RBFOX1: variants seen among roughly 807,000 people sequenced by gnomAD.
RBFOX1 encodes RNA binding fox-1 homolog 1.
Under a neutral mutation model 57.7 loss-of-function variants are expected in RBFOX1, and 8 were observed. The ratio of observed to expected loss-of-function variants is 0.14; its 90% CI spans 0.08 to 0.25. The LOEUF (loss-of-function observed/expected upper bound fraction) is 0.25. Among genes scored for constraint, RBFOX1 ranks in the 10% least tolerant of loss-of-function variants. The probability of loss-of-function intolerance (pLI) is 1.00; values close to 1 mark genes in which losing one functional copy is unlikely to be tolerated. For synonymous variants in RBFOX1, 326 were observed against 222.4 expected, an observed-to-expected ratio of 1.47 and a Z score of -4.15; for missense variants, 611 against 548.5, an observed-to-expected ratio of 1.11 and a Z score of -1.14.
At chr16:7,248,339 C>G (rs55822335) in intron 4 of RBFOX1, among the ~76,000 whole-genome samples, 6,854 of 152,198 alleles carry the variant, frequency 0.045, 521 homozygotes, top group African/African-American at 0.15. Flanking sequence ...GTGCTGTTGG[C>G]CATTTTGTCG....
intron 2 of RBFOX1, among the ~76,000 whole-genome samples, chr16:6,464,943 G>A (rs1396990631): frequency 6.6e-6 from 1 of 152,226 alleles, no homozygotes; most frequent in African/African-American, 2.4e-5. Context: ...TATTAGCTCT[G>A]TTGCCCTCGG....
intron 4 of RBFOX1, among the ~76,000 whole-genome samples, chr16:7,231,230 T>A (rs1381950420): frequency 6.6e-6 from 1 of 152,224 alleles, no homozygotes; most frequent in Non-Finnish European, 1.5e-5. Context: ...TTTATGTGTT[T>A]GTTTTCTGGT....
chr16:5,276,381 TC>T (rs2063140785), intron 1 of RBFOX1, among the ~76,000 whole-genome samples: 2 of 152,172 alleles, frequency 1.3e-5, no homozygotes, highest in African/African-American at 4.8e-5. Context: ...AATAGGCAGT[TC>T]CCAAAAGAAG....
chr16:5,806,378 A>G (rs910902868), intron 3 of RBFOX1, among the ~76,000 whole-genome samples: 11 of 152,222 alleles, frequency 7.2e-5, no homozygotes, highest in Non-Finnish European at 1.3e-4. Context: ...AAAGGGTAAC[A>G]GGGACAAATG....
chr16:6,736,122 C>G (rs1055917762), intron 3 of RBFOX1, among the ~76,000 whole-genome samples: 1 of 151,936 alleles, frequency 6.6e-6, no homozygotes. Flanking sequence ...GACATAAATA[C>G]AATTTATGTC....
rs1466809886 is a variant in RBFOX1 at position 7,186,364 on chromosome 16, A to T, written c.27+134266A>T. Among the ~76,000 whole-genome samples, 10 of 45,830 alleles carry T rather than the reference A, an allele frequency of 2.2e-4. 1 individual carries two copies. The highest frequency in any genetic ancestry group is 1.5e-3 in the African/African-American group (10 of 6,704). The allele number at this position is 45,830 out of a possible 152,430, so 30.1% of individuals were successfully genotyped here. On this transcript the variant is annotated intron_variant, in intron 4 of 15. Transcript: ENST00000550418. ...TATAAATATAAACATAAACATATTT[A>T]TATAAATATAAACATAAACATATTT... is the stretch of plus-strand genomic sequence containing the variant.
chr16:7,331,154 C>G (rs952239121), intron 4 of RBFOX1, among the ~76,000 whole-genome samples: 3 of 152,146 alleles, frequency 2.0e-5, no homozygotes, highest in African/African-American at 7.2e-5. Context: ...GCAGCTAAAT[C>G]AAGCAACTAA....
chr16:6,489,668 C>G (rs72760968), intron 2 of RBFOX1, among the ~76,000 whole-genome samples: 28,843 of 152,058 alleles, frequency 0.19, 2,757 homozygotes, highest in Middle Eastern at 0.27. Flanking sequence ...TTTTGGAGTG[C>G]TTGATGAGGA....
At chr16:7,444,213 C>T (rs1178959690) in intron 4 of RBFOX1, among the ~76,000 whole-genome samples, 3 of 152,218 alleles carry the variant, frequency 2.0e-5, no homozygotes, top group Non-Finnish European at 4.4e-5. Context: ...TAAATATCTT[C>T]TGGAGCTTAC....
chr16:5,708,476 G>A (rs1467045650), intron 3 of RBFOX1, among the ~76,000 whole-genome samples: 2 of 152,130 alleles, frequency 1.3e-5, no homozygotes, highest in African/African-American at 4.8e-5. Context: ...CAGGCTATTA[G>A]TAGATCCACC....
intron 3 of RBFOX1, among the ~76,000 whole-genome samples, chr16:5,773,359 C>T (rs2054041449): frequency 6.6e-6 from 1 of 152,198 alleles, no homozygotes; most frequent in African/African-American, 2.4e-5. Flanking sequence ...TGTCTGTGGC[C>T]ATTCAAACAC....
intron 3 of RBFOX1, among the ~76,000 whole-genome samples, chr16:6,893,648 G>C (rs1450033727): frequency 6.6e-6 from 1 of 152,154 alleles, no homozygotes; most frequent in African/African-American, 2.4e-5. Flanking sequence ...TCCTCCAATA[G>C]AGCATTGGCC....
At chr16:7,097,781 G>T (rs983562064) in intron 4 of RBFOX1, among the ~76,000 whole-genome samples, 15 of 152,208 alleles carry the variant, frequency 9.9e-5, no homozygotes, top group African/African-American at 2.9e-4. Flanking sequence ...CTGATGAAAA[G>T]AGGGAGAAAG....
chr16:6,911,101 T>C (rs1223365220), intron 3 of RBFOX1, among the ~76,000 whole-genome samples: 2 of 151,472 alleles, frequency 1.3e-5, no homozygotes, highest in East Asian at 2.0e-4. Flanking sequence ...CTCGGGAGGC[T>C]GAGGCAGGAC....
At chr16:5,797,135 T>A (rs2054905259) in intron 3 of RBFOX1, among the ~76,000 whole-genome samples, 1 of 152,162 alleles carries the variant, frequency 6.6e-6, no homozygotes, top group African/African-American at 2.4e-5. Context: ...GACTCTACAG[T>A]GGTGACATTG....
intron 3 of RBFOX1, among the ~76,000 whole-genome samples, chr16:6,745,129 A>G (rs1039569241): frequency 2.6e-5 from 4 of 152,160 alleles, no homozygotes; most frequent in Admixed American, 1.3e-4. Flanking sequence ...AGCTCACTAA[A>G]GAAGAAATAG....
chr16:6,681,643 GC>G (rs546613036), intron 3 of RBFOX1, among the ~76,000 whole-genome samples: 26 of 144,058 alleles, frequency 1.8e-4, no homozygotes, highest in Admixed American at 1.3e-3. Flanking sequence ...AATCACAATT[GC>G]CCCCCTCCAC....
rs566424130 is a variant in RBFOX1 at position 6,945,405 on chromosome 16, C to T, written c.-15-106652C>T. Among the ~76,000 whole-genome samples, 4 of 147,750 alleles carry T rather than the reference C, an allele frequency of 2.7e-5. No homozygotes were observed. The East Asian group carries it at 5.8e-4, about 21-fold the overall frequency. On this transcript the variant is annotated intron_variant, in intron 3 of 15. Transcript: ENST00000550418. ...AACAACCTGTGCCATTTCTAGATGGCCATGCAGGAATGTAGATCCAATGGT... is the reference window on the plus strand; with the variant it reads ...AACAACCTGTGCCATTTCTAGATGGTCATGCAGGAATGTAGATCCAATGGT...
At chr16:7,315,455 T>TCCCCCC (rs2096414031) in intron 4 of RBFOX1, among the ~76,000 whole-genome samples, 4 of 114,030 alleles carry the variant, frequency 3.5e-5, no homozygotes, top group African/African-American at 4.2e-5. Context: ...TACTCTACCC[T>TCCCCCC]ACCCCCCCCC....
Sources: allele counts gnomAD v4.1 joint callset (sites outside exome capture counted in the v4.1 genomes callset), GRCh38; gene constraint gnomAD v4.1.1; transcripts MANE v1.5; gene names NCBI Gene and HGNC (gene_info 2026-07-23, HGNC 2026-07-21).